The following GABBR2 variants were observed in gnomAD, a reference collection of about 807,000 sequenced individuals.
GABBR2 encodes the protein gamma-aminobutyric acid type B receptor subunit 2, also known as G-protein coupled receptor 51.
Under a neutral mutation model 105.6 loss-of-function variants are expected in GABBR2, and 23 were observed. That is an observed-to-expected ratio of 0.22 (90% CI 0.16 to 0.31). The LOEUF (loss-of-function observed/expected upper bound fraction) is 0.31, where lower values mean the gene tolerates loss of function less well. GABBR2 is among the 10% of genes least tolerant of loss of function. GABBR2 has a pLI of 1.00. For missense variants in GABBR2, 734 were observed against 1,245.5 expected, an observed-to-expected ratio of 0.59 and a Z score of 6.18; for synonymous variants, 478 against 499.7, an observed-to-expected ratio of 0.96 and a Z score of 0.58.
Position 98,551,677 on chromosome 9 carries a change from C to T in GABBR2, c.460-9634G>A, listed in dbSNP as rs147820305. Among the ~76,000 whole-genome samples the T allele has an allele frequency of 2.3e-3, 353 of 152,238 alleles. 2 individuals are homozygous for T. Among genetic ancestry groups the T allele is most frequent in the African/African-American group, 8.2e-3 (339 of 41,540 alleles). On this transcript the variant is annotated intron_variant, in intron 2 of 18. Coordinates refer to ENST00000259455, the MANE Select transcript of GABBR2 (RefSeq NM_005458.8). ...AGCCTGCCGTGATATGTTTCATGAG[C>T]GTTCAGGGCCTGCATACTGAACCAT...
intron 13 of GABBR2, among the ~76,000 whole-genome samples, chr9:98,329,114 A>G (rs1830977893): frequency 6.6e-6 from 1 of 152,206 alleles, no homozygotes; most frequent in African/African-American, 2.4e-5. Context: ...CTCAAGAAGC[A>G]GCTCCCTGAT....
chr9:98,312,915 A>G (rs1830658026), intron 13 of GABBR2, among the ~76,000 whole-genome samples: 1 of 151,872 alleles, frequency 6.6e-6, no homozygotes, highest in Non-Finnish European at 1.5e-5. Flanking sequence ...ATGCCTGGCT[A>G]ATTTTTGTAT....
chr9:98,648,630 A>G lies in GABBR2; in HGVS notation c.321+59787T>C, dbSNP rs141869774. 6.8e-3 allele frequency among the ~76,000 whole-genome samples: 1,029 copies of G among 152,244 alleles called. 14 individuals are homozygous for G. The highest frequency in any genetic ancestry group is 0.023 in the African/African-American group (968 of 41,546). ...TCTCAGTTTCTTCTTCTGTCACATG[A>G]TGGGTCTGGACTAGATCAGGGGTTA... On this transcript the variant is annotated intron_variant, in intron 1 of 18. Coordinates refer to ENST00000259455, the MANE Select transcript of GABBR2 (RefSeq NM_005458.8).
At chr9:98,542,682 G>C (rs1014254680) in intron 2 of GABBR2, among the ~76,000 whole-genome samples, 1 of 152,004 alleles carries the variant, frequency 6.6e-6, no homozygotes, top group Non-Finnish European at 1.5e-5. Context: ...ACATTTTATC[G>C]GTTTGCAAAT....
In GABBR2 at chr9:98,290,727, G is replaced by T; in HGVS notation, c.2683C>A (p.Gln895Lys). Reference protein sequence around the residue: ...PEHIQRRLSLQLPILHHAYLP... With the variant: ...PEHIQRRLSLKLPILHHAYLP... ...TAGGCGTGGTGGAGGATGGGGAGCT[G>T]GAGGGACAGCCGACGCTGGATGCTG... Residue 895 changes from glutamine (Q) to lysine (K), a missense_variant, in exon 19 of 19, where the codon CAG becomes AAG. By Grantham distance (53) the Gln-to-Lys change is moderately conservative. Coordinates refer to ENST00000259455, the MANE Select transcript of GABBR2 (RefSeq NM_005458.8). 6.7e-7 allele frequency: 1 copy of T among 1,490,378 alleles called. No individual in the cohort carries two copies. Among genetic ancestry groups the T allele is most frequent in the South Asian group, 1.5e-5 (1 of 68,416 alleles). The allele number at this position is 1,490,378 out of a possible 1,614,324, so 92.3% of individuals were successfully genotyped here.
chr9:98,645,168 AT>A (rs1329194553), intron 1 of GABBR2, among the ~76,000 whole-genome samples: 3 of 152,130 alleles, frequency 2.0e-5, no homozygotes, highest in Non-Finnish European at 2.9e-5. Flanking sequence ...ACTTCATGTA[AT>A]TTGTATGTGA....
chr9:98,412,033 A>C (rs572530814), intron 7 of GABBR2, among the ~76,000 whole-genome samples: 1 of 152,366 alleles, frequency 6.6e-6, no homozygotes, highest in South Asian at 2.1e-4. Flanking sequence ...ACTACTAAGC[A>C]TGAGTAAAAT....
chr9:98,488,405 C>G (rs985487946), intron 4 of GABBR2, among the ~76,000 whole-genome samples: 4 of 152,124 alleles, frequency 2.6e-5, no homozygotes, highest in Non-Finnish European at 5.9e-5. Context: ...AGGATCCCCA[C>G]TAATATTGTT....
rs1830608706 is a variant in GABBR2 at position 98,309,808 on chromosome 9, C to G, written c.2004+1287G>C. ...GCTTGCATGGGAGCTCAAAAGACTTCTATGGAAAACCATAAAAGGGTGTCA... is the reference window on the plus strand; with the variant it reads ...GCTTGCATGGGAGCTCAAAAGACTTGTATGGAAAACCATAAAAGGGTGTCA... On this transcript the variant is annotated intron_variant, in intron 14 of 18. Coordinates refer to ENST00000259455, the MANE Select transcript of GABBR2 (RefSeq NM_005458.8). 1.3e-5 allele frequency among the ~76,000 whole-genome samples: 2 copies of G among 152,200 alleles called. 1 individual carries two copies. The highest frequency in any genetic ancestry group is 3.8e-4 in the East Asian group (2 of 5,200).
chr9:98,684,075 C>G (rs1281898540), intron 1 of GABBR2, among the ~76,000 whole-genome samples: 2 of 141,558 alleles, frequency 1.4e-5, no homozygotes, highest in African/African-American at 5.2e-5. Context: ...TTTTGGGAAG[C>G]CACTTAAAAA....
intron 11 of GABBR2, among the ~76,000 whole-genome samples, chr9:98,372,784 A>G (rs1218555851): frequency 6.6e-6 from 1 of 152,166 alleles, no homozygotes; most frequent in East Asian, 1.9e-4. Flanking sequence ...CAGAGACAGA[A>G]CATTTTGCGT....
At chr9:98,346,772 C>T (rs1831310106) in intron 13 of GABBR2, among the ~76,000 whole-genome samples, 1 of 152,206 alleles carries the variant, frequency 6.6e-6, no homozygotes, top group Non-Finnish European at 1.5e-5. Flanking sequence ...ATTCTACCCT[C>T]TTCTTCCATG....
At chr9:98,337,817 T>A (rs1449047130) in intron 13 of GABBR2, among the ~76,000 whole-genome samples, 1 of 152,034 alleles carries the variant, frequency 6.6e-6, no homozygotes, top group African/African-American at 2.4e-5. Context: ...GGTCAGGAGT[T>A]TGAGACCAGG....
chr9:98,614,053 A>G (rs1829545585), intron 1 of GABBR2, among the ~76,000 whole-genome samples: 1 of 152,246 alleles, frequency 6.6e-6, no homozygotes, highest in African/African-American at 2.4e-5. Context: ...ATGATATTGA[A>G]TAGCAATAGA....
intron 1 of GABBR2, among the ~76,000 whole-genome samples, chr9:98,623,638 T>G (rs769864353): frequency 2.0e-5 from 3 of 152,074 alleles, no homozygotes; most frequent in Non-Finnish European, 2.9e-5. Context: ...TCATGGCCCC[T>G]TCCTCCATTT....
chr9:98,420,071 G>T (rs1832755264), intron 7 of GABBR2, among the ~76,000 whole-genome samples: 1 of 152,040 alleles, frequency 6.6e-6, no homozygotes, highest in African/African-American at 2.4e-5. Context: ...TCTCTGGCTT[G>T]GAAGGTCTGG....
intron 9 of GABBR2, 95 bp from the exon 10 acceptor site, chr9:98,389,099 G>T: frequency 9.2e-7 from 1 of 1,086,720 alleles, no homozygotes; most frequent in Non-Finnish European, 1.4e-6. Flanking sequence ...GCCAGGCCCT[G>T]CGCACAAACT....
Position 98,385,757 on chromosome 9 carries a change from C to T in GABBR2, c.1545G>A (p.Ser515=), listed in dbSNP as rs374493679. The T allele has an allele frequency of 5.6e-6, 9 of 1,609,984 alleles. No individual in the cohort carries two copies. The highest frequency in any genetic ancestry group is 1.3e-5 in the African/African-American group (1 of 74,756). ...TGATAAGGTTGTTCATGTATGGACTCGACATCTTTATGAGCCTGACAAGAG... is the reference window on the plus strand; with the variant it reads ...TGATAAGGTTGTTCATGTATGGACTTGACATCTTTATGAGCCTGACAAGAG... ...KNRNQKLIKM[S]SPYMNNLIIL... The change falls in exon 11 of 19, where the codon TCG becomes TCA. Residue 515 remains serine, a synonymous_variant. Coordinates refer to ENST00000259455, the MANE Select transcript of GABBR2 (RefSeq NM_005458.8).
intron 1 of GABBR2, among the ~76,000 whole-genome samples, chr9:98,643,013 A>G (rs953008192): frequency 1.3e-5 from 2 of 152,172 alleles, no homozygotes; most frequent in Non-Finnish European, 2.9e-5. Context: ...TCTCTCCCAG[A>G]AGCAGACTCT....
Sources: allele counts gnomAD v4.1 joint callset (sites outside exome capture counted in the v4.1 genomes callset), GRCh38; gene constraint gnomAD v4.1.1; transcripts MANE v1.5; gene names NCBI Gene and HGNC (gene_info 2026-07-23, HGNC 2026-07-21).